Variants in LRRIQ1 observed in about 807,000 individuals in gnomAD.
The protein encoded by LRRIQ1 is leucine-rich repeat- and IQ domain-containing protein 1.
A neutral mutation model predicts 211.9 loss-of-function variants in LRRIQ1; 210 were observed. The observed-to-expected ratio is 0.99, with a 90% CI of 0.89 to 1.11. LRRIQ1 has a LOEUF of 1.11. LRRIQ1 is among the 50% of genes most tolerant of loss of function. The pLI is 0.00. For missense variants in LRRIQ1, 2,136 were observed against 1,939.5 expected, an observed-to-expected ratio of 1.10 and a Z score of -1.90; for synonymous variants, 699 against 650.1, an observed-to-expected ratio of 1.08 and a Z score of -1.14.
At chr12:85,042,807 A>G (rs964389914) in intron 3 of LRRIQ1, among the ~76,000 whole-genome samples, 1 of 152,056 alleles carries the variant, frequency 6.6e-6, no homozygotes, top group Non-Finnish European at 1.5e-5. Context: ...TTATAACTAA[A>G]TTCTTACAAC....
chr12:85,098,172 C>T (rs186564041), intron 11 of LRRIQ1, among the ~76,000 whole-genome samples, 183 bp from the exon 12 acceptor site: 1 of 152,080 alleles, frequency 6.6e-6, no homozygotes, highest in African/African-American at 2.4e-5. Flanking sequence ...CACCCAGATG[C>T]CAGTTTAAAT....
chr12:85,038,221 A>C lies in LRRIQ1; in HGVS notation c.45A>C (p.Glu15Asp), dbSNP rs759531826. 3 of 1,584,610 alleles carry C rather than the reference A, an allele frequency of 1.9e-6. No individual in the cohort carries two copies. The highest frequency in any genetic ancestry group is 2.6e-6 in the Non-Finnish European group (3 of 1,163,728). ...AGCTCAAAGCAGAAATAGAAGCTGA[A>C]TTGGATAAACTCAGCATTTCCTCCT... ...DAKLKAEIEAELDKLSISSLE... is the reference protein window; with the variant it reads ...DAKLKAEIEADLDKLSISSLE... The change falls in exon 2 of 27, where the codon GAA becomes GAC. Residue 15 changes from glutamate (E) to aspartate (D), a missense_variant. Coordinates refer to ENST00000393217, the MANE Select transcript of LRRIQ1 (RefSeq NM_001079910.2).
chr12:85,248,140 T>C (rs971508776), downstream of LRRIQ1, among the ~76,000 whole-genome samples: 55 of 151,638 alleles, frequency 3.6e-4, no homozygotes, highest in African/African-American at 1.3e-3. Context: ...TTGCAATATA[T>C]AATAATACTT....
intron 26 of LRRIQ1, among the ~76,000 whole-genome samples, chr12:85,243,390 A>T (rs1895561488): frequency 6.7e-6 from 1 of 148,238 alleles, no homozygotes; most frequent in Non-Finnish European, 1.5e-5. Flanking sequence ...CATATAAATC[A>T]CAAGTATAAA....
chr12:85,212,801 AAGAG>A (rs751993805), intron 24 of LRRIQ1, among the ~76,000 whole-genome samples: 7 of 149,276 alleles, frequency 4.7e-5, no homozygotes, highest in African/African-American at 7.3e-5. Flanking sequence ...GAGAGAGAGA[AAGAG>A]AGAGAGAAAG....
intron 3 of LRRIQ1, among the ~76,000 whole-genome samples, chr12:85,043,560 G>T (rs999981409): frequency 6.6e-6 from 1 of 152,026 alleles, no homozygotes; most frequent in Non-Finnish European, 1.5e-5. Flanking sequence ...TGATGGTCAC[G>T]CAGGGTCAGC....
At chr12:85,234,875 A>G (rs959600891) in intron 26 of LRRIQ1, among the ~76,000 whole-genome samples, 10 of 152,202 alleles carry the variant, frequency 6.6e-5, no homozygotes, top group African/African-American at 2.4e-4. Flanking sequence ...CATTTCATTT[A>G]TATACACTAG....
chr12:85,230,971 C>G (rs1478915014), intron 25 of LRRIQ1, among the ~76,000 whole-genome samples: 2 of 152,012 alleles, frequency 1.3e-5, no homozygotes, highest in African/African-American at 4.8e-5. Flanking sequence ...TGGCACGAAC[C>G]CGGGAGGCGG....
At chr12:85,206,180 G>T (rs1246903231) in intron 24 of LRRIQ1, among the ~76,000 whole-genome samples, 2 of 152,184 alleles carry the variant, frequency 1.3e-5, no homozygotes, top group Non-Finnish European at 2.9e-5. Context: ...GGTGGGCTTT[G>T]GCAGTGTTAG....
At chr12:85,066,402 A>G (rs1882433564) in intron 9 of LRRIQ1, among the ~76,000 whole-genome samples, 1 of 151,896 alleles carries the variant, frequency 6.6e-6, no homozygotes, top group Non-Finnish European at 1.5e-5. Flanking sequence ...CAATGGTGAG[A>G]CAGGGCCTGA....
chr12:85,096,679 G>T (rs761023046), intron 11 of LRRIQ1, among the ~76,000 whole-genome samples: 1 of 152,070 alleles, frequency 6.6e-6, no homozygotes, highest in Non-Finnish European at 1.5e-5. Flanking sequence ...AGTTCCAGTT[G>T]CTCAAGTGTC....
In LRRIQ1 at chr12:85,152,988, T is replaced by C. The variant is rs74556723; in HGVS notation, c.4420-36T>C. 241 of 1,464,264 alleles carry C rather than the reference T, an allele frequency of 1.6e-4. 1 individual carries two copies. The East Asian group carries it at 5.0e-3, about 30-fold the overall frequency. 90.7% of individuals were successfully genotyped at this position (1,464,264 alleles called of 1,614,324 possible). On this transcript the variant is annotated intron_variant, in intron 20 of 26. Transcript: ENST00000393217. ...ACAACATAAATGCTAGGATTTTTTATTTTACTTCACACTTATTTACTTTTT... is the reference window on the plus strand; with the variant it reads ...ACAACATAAATGCTAGGATTTTTTACTTTACTTCACACTTATTTACTTTTT...
chr12:85,158,196 C>T (rs988340685), intron 23 of LRRIQ1, among the ~76,000 whole-genome samples: 8 of 151,554 alleles, frequency 5.3e-5, no homozygotes, highest in African/African-American at 1.9e-4. Context: ...CTACTACCAC[C>T]ATGCCTAGCA....
intron 18 of LRRIQ1, among the ~76,000 whole-genome samples, chr12:85,133,319 T>A (rs930463882): frequency 6.6e-6 from 1 of 152,068 alleles, no homozygotes; most frequent in African/African-American, 2.4e-5. Context: ...CAGTAAAAAG[T>A]AGAAAAACAT....
chr12:85,175,000 C>A (rs908198978), intron 24 of LRRIQ1, among the ~76,000 whole-genome samples: 24 of 152,004 alleles, frequency 1.6e-4, no homozygotes, highest in Admixed American at 1.6e-3. Context: ...TTGAATTTCC[C>A]AACAGTAGCC....
chr12:85,092,043 C>A (rs1032928134), intron 11 of LRRIQ1, among the ~76,000 whole-genome samples: 1 of 152,148 alleles, frequency 6.6e-6, no homozygotes, highest in African/African-American at 2.4e-5. Context: ...GAGCGTGAAT[C>A]CTATTGTGAA....
chr12:85,225,983 C>T (rs2137157121), intron 24 of LRRIQ1, among the ~76,000 whole-genome samples: 1 of 152,264 alleles, frequency 6.6e-6, no homozygotes, highest in South Asian at 2.1e-4. Context: ...CACCACTATG[C>T]TTGTTCTGTT....
At chr12:85,087,057 T>C (rs887383571) in intron 11 of LRRIQ1, among the ~76,000 whole-genome samples, 86 of 152,198 alleles carry the variant, frequency 5.7e-4, no homozygotes, top group Non-Finnish European at 1.0e-3. Context: ...ACTCGTCATT[T>C]ACATTAGGTA....
At chr12:85,271,261 C>A in the LRRIQ1 span, among the ~76,000 whole-genome samples, 3 of 152,054 alleles carry the variant, frequency 2.0e-5, no homozygotes, top group South Asian at 6.2e-4. Flanking sequence ...ACACGTTGTT[C>A]AGTGCAACTG....
Sources: allele counts gnomAD v4.1 joint callset (sites outside exome capture counted in the v4.1 genomes callset), GRCh38; gene constraint gnomAD v4.1.1; transcripts MANE v1.5; gene names NCBI Gene and HGNC (gene_info 2026-07-23, HGNC 2026-07-21).